Variants in PSMG2 observed in about 807,000 individuals in gnomAD.
PSMG2 encodes proteasome assembly chaperone 2, also known as CD40 ligand-activated specific transcript 3.
PSMG2 carries 21 observed loss-of-function variants against 31.5 expected under a neutral mutation model. The ratio of observed to expected loss-of-function variants is 0.67; its 90% CI spans 0.47 to 0.96. PSMG2 has a LOEUF of 0.96. PSMG2 is among the 40% of genes least tolerant of loss of function. The pLI is 0.00. For missense variants in PSMG2, 318 were observed against 321.2 expected, an observed-to-expected ratio of 0.99 and a Z score of 0.08; for synonymous variants, 120 against 110.4, an observed-to-expected ratio of 1.09 and a Z score of -0.54.
At chr18:12,691,687 C>T (rs1316407819) in intron 1 of PSMG2, among the ~76,000 whole-genome samples, 1 of 151,304 alleles carries the variant, frequency 6.6e-6, no homozygotes, top group East Asian at 1.9e-4. Flanking sequence ...TCATAAGTCA[C>T]CTTTTTTTCC....
intron 1 of PSMG2, chr18:12,673,194 A>G (rs1469511775): frequency 6.9e-6 from 9 of 1,304,792 alleles, no homozygotes; most frequent in Non-Finnish European, 8.8e-6. Context: ...TTAATTTTTA[A>G]AGGAATGCAT....
chr18:12,717,784 C>T (rs1020014219), intron 3 of PSMG2, among the ~76,000 whole-genome samples: 3 of 152,186 alleles, frequency 2.0e-5, no homozygotes, highest in South Asian at 2.1e-4. Flanking sequence ...TTTGAGGAAC[C>T]GGGGCTGGAT....
chr18:12,695,365 T>A, intron 1 of PSMG2: 1 of 1,288,794 alleles, frequency 7.8e-7, no homozygotes, highest in Non-Finnish European at 1.1e-6. Context: ...TAAACATAAA[T>A]ATTTTGAACT....
At chr18:12,710,109 C>T (rs551874422) in intron 2 of PSMG2, among the ~76,000 whole-genome samples, 4 of 151,674 alleles carry the variant, frequency 2.6e-5, no homozygotes, top group African/African-American at 7.3e-5. Flanking sequence ...CGCCCGGCTA[C>T]TTTTTTTGTA....
chr18:12,675,924 C>T (rs55870255), intron 1 of PSMG2, among the ~76,000 whole-genome samples: 37,509 of 151,946 alleles, frequency 0.25, 5,139 homozygotes, highest in Non-Finnish European at 0.32. Context: ...CCACCTCGGC[C>T]TCCCAAAGTG....
intron 3 of PSMG2, among the ~76,000 whole-genome samples, chr18:12,715,704 C>T (rs925139312): frequency 3.3e-5 from 5 of 152,066 alleles, no homozygotes; most frequent in Non-Finnish European, 7.4e-5. Flanking sequence ...TGGGGTTTTG[C>T]CATGTTGGCT....
chr18:12,678,311 G>C lies in PSMG2; in HGVS notation c.-37+19538G>C, dbSNP rs1410799845. ...CAAATCAAATACACAGGTTTCTACT[G>C]CATCAGAGGGTTGACAATTTCCCAG... On this transcript the variant is annotated intron_variant, in intron 1 of 6. Transcript: ENST00000585331. 6.2e-6 allele frequency: 10 copies of C among 1,614,116 alleles called. No individual in the cohort carries two copies. In the East Asian group the frequency reaches 1.8e-4, roughly 29 times the overall value.
intron 5 of PSMG2, 127 bp downstream of exon 5, chr18:12,720,810 C>A (rs2040423770): frequency 2.1e-6 from 2 of 957,586 alleles, no homozygotes; most frequent in Non-Finnish European, 3.0e-6. Context: ...AAACAAAAAA[C>A]AACAACAAAA....
intron 1 of PSMG2, among the ~76,000 whole-genome samples, chr18:12,669,149 G>A (rs888305478): frequency 7.3e-6 from 1 of 136,936 alleles, no homozygotes; most frequent in Admixed American, 8.2e-5. Flanking sequence ...GAGTTTCACT[G>A]TTTCCCAAGC....
chr18:12,724,257 G>A, intron 5 of PSMG2: 1 of 389,776 alleles, frequency 2.6e-6, no homozygotes, highest in Admixed American at 4.5e-5. Context: ...AGAAAGGCTG[G>A]TTTTTCATGC....
At chr18:12,699,172 G>A, upstream of PSMG2, 4 of 1,613,850 alleles carry the variant, frequency 2.5e-6, no homozygotes, top group Non-Finnish European at 3.4e-6. Flanking sequence ...AAACCTGAAG[G>A]TAAAGATACC....
At chr18:12,670,080 G>C (rs934158857) in intron 1 of PSMG2, among the ~76,000 whole-genome samples, 13 of 150,014 alleles carry the variant, frequency 8.7e-5, no homozygotes, top group Admixed American at 6.7e-4. Flanking sequence ...CTGTAATCCC[G>C]GCACTTGGGG....
intron 1 of PSMG2, among the ~76,000 whole-genome samples, chr18:12,659,470 C>T (rs2144930046): frequency 6.6e-6 from 1 of 152,242 alleles, no homozygotes; most frequent in South Asian, 2.1e-4. Context: ...AGTTCGAGAC[C>T]AGCCTGGCCA....
intron 1 of PSMG2, among the ~76,000 whole-genome samples, chr18:12,693,808 C>T (rs112274236): frequency 1.3e-5 from 2 of 152,154 alleles, no homozygotes; most frequent in African/African-American, 2.4e-5. Context: ...AAACCCCTCA[C>T]GTATACACAT....
At chr18:12,662,267 C>G (rs1345603827) in intron 1 of PSMG2, 1 of 415,130 alleles carries the variant, frequency 2.4e-6, no homozygotes, top group Non-Finnish European at 4.7e-6. Context: ...CCTTATACAT[C>G]TGTAGTGCTA....
chr18:12,697,396 C>G, intron 1 of PSMG2: 1 of 1,607,366 alleles, frequency 6.2e-7, no homozygotes, highest in Non-Finnish European at 8.5e-7. Context: ...ATCAGCCATT[C>G]TAGTTCCATC....
At chr18:12,678,499 T>G (rs1298971542) in intron 1 of PSMG2, 10 of 1,175,540 alleles carry the variant, frequency 8.5e-6, no homozygotes, top group African/African-American at 1.6e-5. Context: ...AGGCAGCATC[T>G]TACTGAGAAA....
intron 1 of PSMG2, among the ~76,000 whole-genome samples, chr18:12,693,768 C>T (rs560228346): frequency 6.6e-6 from 1 of 152,150 alleles, no homozygotes; most frequent in Admixed American, 6.5e-5. Flanking sequence ...GGCGACAGAG[C>T]GAGACTCTGT....
chr18:12,679,664 C>T (rs1465710185), intron 1 of PSMG2, among the ~76,000 whole-genome samples: 4 of 152,070 alleles, frequency 2.6e-5, no homozygotes, highest in Non-Finnish European at 4.4e-5. Context: ...AAAAATGTGT[C>T]CAGTGGATTT....
Sources: allele counts gnomAD v4.1 joint callset (sites outside exome capture counted in the v4.1 genomes callset), GRCh38; gene constraint gnomAD v4.1.1; transcripts MANE v1.5; gene names NCBI Gene and HGNC (gene_info 2026-07-23, HGNC 2026-07-21).